Variants in THSD4 observed in about 807,000 individuals in gnomAD.
THSD4 encodes the protein thrombospondin type-1 domain-containing protein 4.
THSD4 carries 69 observed loss-of-function variants against 119.0 expected under a neutral mutation model. The observed-to-expected ratio is 0.58, with a 90% CI of 0.48 to 0.71. The LOEUF (loss-of-function observed/expected upper bound fraction) is 0.71, where lower values mean the gene tolerates loss of function less well. THSD4 is among the 30% of genes least tolerant of loss of function. THSD4 has a pLI of 0.00. For missense variants in THSD4, 1,393 were observed against 1,391.1 expected, an observed-to-expected ratio of 1.00 and a Z score of -0.02; for synonymous variants, 524 against 540.4, an observed-to-expected ratio of 0.97 and a Z score of 0.42.
intron 7 of THSD4, among the ~76,000 whole-genome samples, chr15:71,628,543 C>T (rs756187013): frequency 3.3e-5 from 5 of 152,186 alleles, no homozygotes; most frequent in South Asian, 2.1e-4. Flanking sequence ...GACGCATACA[C>T]GAGTCCCCTT....
Position 71,782,774 on chromosome 15 carries a change from T to C in THSD4, c.*5400T>C, listed in dbSNP as rs1042979708. 1.3e-5 allele frequency: 2 copies of C among 152,218 alleles called. No homozygotes were observed. Among genetic ancestry groups the C allele is most frequent in the Admixed American group, 6.5e-5 (1 of 15,282 alleles). 9.4% of individuals were successfully genotyped at this position (152,218 alleles called of 1,614,324 possible). On this transcript the variant is annotated 3_prime_UTR_variant, in exon 18 of 18. Transcript: ENST00000261862. ...CAGGTAGCATTGTACCTGAACCTGA[T>C]TGCTACTTTTTCATCTTAAATATTA...
At chr15:71,227,317 G>A (rs889692473) in intron 4 of THSD4, among the ~76,000 whole-genome samples, 4 of 152,212 alleles carry the variant, frequency 2.6e-5, no homozygotes, top group African/African-American at 9.6e-5. Flanking sequence ...GGTTCCAGAA[G>A]AAAGATGCGA....
chr15:71,763,901 C>CAAA (rs934725283), intron 15 of THSD4, among the ~76,000 whole-genome samples: 4 of 151,778 alleles, frequency 2.6e-5, no homozygotes, highest in African/African-American at 9.7e-5. Context: ...CCCATCTCTA[C>CAAA]AAAAAAATAC....
chr15:71,477,056 G>GCACT (rs2067634397), intron 7 of THSD4, among the ~76,000 whole-genome samples: 1 of 152,180 alleles, frequency 6.6e-6, no homozygotes, highest in South Asian at 2.1e-4. Flanking sequence ...CCCCCAAATA[G>GCACT]CACTGTTCAC....
At chr15:71,517,049 G>A (rs985614360) in intron 7 of THSD4, among the ~76,000 whole-genome samples, 6 of 152,120 alleles carry the variant, frequency 3.9e-5, no homozygotes, top group Non-Finnish European at 8.8e-5. Flanking sequence ...TTTGTCCAGG[G>A]CACTTAAAGC....
intron 4 of THSD4, among the ~76,000 whole-genome samples, chr15:71,228,155 G>A (rs1383189902): frequency 6.6e-6 from 1 of 152,052 alleles, no homozygotes; most frequent in Admixed American, 6.6e-5. Context: ...GATTATTCAG[G>A]TGAGTTCTAT....
At chr15:71,636,268 A>C (rs1243068278) in intron 7 of THSD4, among the ~76,000 whole-genome samples, 1 of 151,984 alleles carries the variant, frequency 6.6e-6, no homozygotes, top group East Asian at 1.9e-4. Context: ...CTAAAAATAC[A>C]AAAAATTAGC....
intron 7 of THSD4, among the ~76,000 whole-genome samples, chr15:71,463,832 C>T (rs78187315): frequency 0.019 from 2,868 of 152,328 alleles, 46 homozygotes; most frequent in Non-Finnish European, 0.027. Context: ...CTTTTAGCCT[C>T]ATTTGTCTAC....
rs1318526665 is a variant in THSD4, at chr15:71,640,238, A to G, written c.1153-20292A>G. 4.0e-5 allele frequency among the ~76,000 whole-genome samples: 6 copies of G among 150,318 alleles called. No homozygotes were observed. The South Asian group carries it at 1.1e-3, about 27-fold the overall frequency. ...GCTGGGACTACAGGTACACACTGCT[A>G]TGCTCAGCTAATTTTTTTTTTTTGT... On this transcript the variant is annotated intron_variant, in intron 7 of 17. Coordinates refer to ENST00000261862, the MANE Select transcript of THSD4 (RefSeq NM_024817.3).
Position 71,165,140 on chromosome 15 carries a change from T to C in THSD4, c.99+10208T>C, listed in dbSNP as rs2043283773. ...GGCCGAAGGAGGCCTCTTGGGTGCA[T>C]TGGGATCCTTGAACTTCTTTTTTGT... On this transcript the variant is annotated intron_variant, in intron 3 of 17. Transcript: ENST00000261862. The C allele has an allele frequency of 7.5e-6, 12 of 1,605,242 alleles. No individual in the cohort carries two copies. In the South Asian group the frequency reaches 9.9e-5, roughly 13 times the overall value.
intron 6 of THSD4, among the ~76,000 whole-genome samples, chr15:71,340,916 T>A (rs1262209239): frequency 6.6e-6 from 1 of 152,110 alleles, no homozygotes; most frequent in Admixed American, 6.6e-5. Flanking sequence ...ATTATTTTCA[T>A]AAGCTTTCCC....
rs10555546 is a variant in THSD4 at position 71,755,706 on chromosome 15, CAAAAAAAAAAA to C, written c.2416-2179_2416-2169del. The stretch of plus-strand genomic sequence containing the variant: ...CTCACCAAGCCTGCTTCAGCAAAGA[CAAAAAAAAAAA>C]AAAAAAAAAAAAAAAAGACAGGACA... On this transcript the variant is annotated intron_variant, in intron 14 of 17. Coordinates refer to ENST00000261862, the MANE Select transcript of THSD4 (RefSeq NM_024817.3). Among the ~76,000 whole-genome samples the C allele has an allele frequency of 1.5e-3, 73 of 50,294 alleles. 1 individual carries two copies. The highest frequency in any genetic ancestry group is 6.3e-3 in the Admixed American group (19 of 3,014). The allele number at this position is 50,294 out of a possible 152,430, so 33.0% of individuals were successfully genotyped here.
chr15:71,292,251 G>A (rs1045304455), intron 6 of THSD4, among the ~76,000 whole-genome samples: 2 of 151,668 alleles, frequency 1.3e-5, no homozygotes, highest in Non-Finnish European at 2.9e-5. Context: ...TTGATTTCTG[G>A]CATTCCGGTA....
At chr15:71,442,660 G>GTATGTATGTA (rs1555414328) in intron 7 of THSD4, among the ~76,000 whole-genome samples, 13 of 25,822 alleles carry the variant, frequency 5.0e-4, no homozygotes, top group Non-Finnish European at 8.3e-4. Context: ...GTGTGTGTGT[G>GTATGTATGTA]TATATATATA....
At chr15:71,360,262 C>A (rs1424767680) in intron 6 of THSD4, among the ~76,000 whole-genome samples, 2 of 152,116 alleles carry the variant, frequency 1.3e-5, no homozygotes, top group East Asian at 1.9e-4. Context: ...GCCAACTTTC[C>A]CCAGAACAAG....
intron 3 of THSD4, among the ~76,000 whole-genome samples, chr15:71,200,992 T>C (rs776905885): frequency 6.6e-6 from 1 of 152,208 alleles, no homozygotes; most frequent in Non-Finnish European, 1.5e-5. Flanking sequence ...CCCATTATAC[T>C]GAGTTCACAG....
chr15:71,182,954 A>G (rs1193332397), intron 3 of THSD4, among the ~76,000 whole-genome samples: 3 of 151,922 alleles, frequency 2.0e-5, no homozygotes, highest in African/African-American at 2.4e-5. Flanking sequence ...GCTTATAGCC[A>G]TGTCCATTTA....
chr15:71,405,266 T>A (rs1232257409), intron 6 of THSD4, among the ~76,000 whole-genome samples: 3 of 152,220 alleles, frequency 2.0e-5, no homozygotes, highest in Non-Finnish European at 4.4e-5. Context: ...TTATGAATAG[T>A]TATGTACACA....
chr15:71,457,074 T>C (rs1246444082), intron 7 of THSD4, among the ~76,000 whole-genome samples: 2 of 152,072 alleles, frequency 1.3e-5, no homozygotes, highest in Admixed American at 1.3e-4. Context: ...TATGCAGAAT[T>C]CTGTCCAATA....
Sources: gnomAD v4.1 joint callset for allele counts (sites outside exome capture counted in the v4.1 genomes callset) on GRCh38, gnomAD v4.1.1 for gene constraint, MANE v1.5 for transcripts, NCBI Gene and HGNC (gene_info 2026-07-23, HGNC 2026-07-21) for gene names.